NRXN3: variants seen among roughly 807,000 people sequenced by gnomAD.
The protein encoded by NRXN3 is neurexin III.
A neutral mutation model predicts 137.6 loss-of-function variants in NRXN3; 32 were observed. That is an observed-to-expected ratio of 0.23 (90% CI 0.18 to 0.31). NRXN3 has a LOEUF of 0.31. Ranked by LOEUF, NRXN3 falls within the 10% of genes least tolerant of loss-of-function variation. NRXN3 has a pLI of 1.00. For missense variants in NRXN3, 1,574 were observed against 2,062.5 expected (o/e 0.76, Z 4.59); for synonymous variants, 798 against 784.5 (o/e 1.02, Z -0.29).
chr14:79,856,854 T>C (rs1330737150), intron 20 of NRXN3, among the ~76,000 whole-genome samples: 1 of 152,136 alleles, frequency 6.6e-6, no homozygotes, highest in Non-Finnish European at 1.5e-5. Context: ...TCTAATGATC[T>C]CTCTAGTTTA....
At chr14:79,090,263 G>A (rs929445835) in intron 15 of NRXN3, among the ~76,000 whole-genome samples, 16 of 152,018 alleles carry the variant, frequency 1.1e-4, no homozygotes, top group Non-Finnish European at 1.3e-4. Flanking sequence ...ATATAACATA[G>A]GGATTATTAA....
intron 15 of NRXN3, among the ~76,000 whole-genome samples, chr14:79,165,916 C>A (rs896491734): frequency 1.3e-5 from 2 of 151,972 alleles, no homozygotes; most frequent in African/African-American, 4.8e-5. Flanking sequence ...ACACCACGAG[C>A]TTTTGATTGC....
chr14:79,848,252 G>A (rs992893823), intron 20 of NRXN3, among the ~76,000 whole-genome samples: 14 of 152,184 alleles, frequency 9.2e-5, no homozygotes, highest in African/African-American at 3.4e-4. Context: ...CAAAGCTTGA[G>A]CTTAGCAACT....
chr14:78,225,982 T>TGTTGGG (rs1555412890), intron 1 of NRXN3, among the ~76,000 whole-genome samples: 1 of 136,380 alleles, frequency 7.3e-6, no homozygotes, highest in Non-Finnish European at 1.5e-5. Flanking sequence ...TTGGTGTGTG[T>TGTTGGG]GTGTGTGTGT....
intron 10 of NRXN3, among the ~76,000 whole-genome samples, chr14:78,920,505 C>T (rs757610707): frequency 2.2e-4 from 33 of 152,272 alleles, no homozygotes; most frequent in Non-Finnish European, 4.0e-4. Context: ...AACCACTTCT[C>T]CAATTCTCTG....
Position 79,329,831 on chromosome 14 carries a change from G to A in NRXN3, c.3263-137390G>A, listed in dbSNP as rs74248988. Among the ~76,000 whole-genome samples, 1,183 of 148,070 alleles carry A rather than the reference G, an allele frequency of 8.0e-3. 25 individuals carry two copies. The South Asian group carries it at 0.082, about 10-fold the overall frequency. On this transcript the variant is annotated intron_variant, in intron 15 of 20. Transcript: ENST00000335750. ...TGATGGCTTTAGCTACTGAATTAAC[G>A]TGATCAAAAGAGTTTTTTTTTTTTT...
intron 15 of NRXN3, among the ~76,000 whole-genome samples, chr14:78,998,691 C>T (rs1428061989): frequency 6.6e-6 from 1 of 151,134 alleles, no homozygotes. Flanking sequence ...ATCCGCCTAC[C>T]AGGTTCAAGC....
At chr14:79,685,911 G>A (rs546363176) in intron 17 of NRXN3, among the ~76,000 whole-genome samples, 2 of 152,246 alleles carry the variant, frequency 1.3e-5, no homozygotes, top group African/African-American at 4.8e-5. Flanking sequence ...GCAAGGAATA[G>A]GGGCATGAAC....
At chr14:78,814,733 C>T (rs8022835) in intron 10 of NRXN3, among the ~76,000 whole-genome samples, 151,976 of 152,318 alleles carry the variant, frequency 1, 75,818 homozygotes, top group East Asian at 1. Flanking sequence ...CTAAGAGGCA[C>T]GCGGTTCTGA....
intron 15 of NRXN3, among the ~76,000 whole-genome samples, chr14:79,139,071 G>A (rs967060934): frequency 6.6e-6 from 1 of 152,186 alleles, no homozygotes; most frequent in African/African-American, 2.4e-5. Flanking sequence ...TCACCTTCAA[G>A]GCCAATGGCT....
At chr14:79,254,089 C>T (rs866492778) in intron 15 of NRXN3, among the ~76,000 whole-genome samples, 1 of 152,120 alleles carries the variant, frequency 6.6e-6, no homozygotes, top group Non-Finnish European at 1.5e-5. Context: ...GACTACCCTT[C>T]TTCCTATAAG....
At chr14:78,891,830 ATATG>A (rs2099159823) in intron 10 of NRXN3, among the ~76,000 whole-genome samples, 1 of 152,040 alleles carries the variant, frequency 6.6e-6, no homozygotes, top group South Asian at 2.1e-4. Flanking sequence ...TGTTAAATGA[ATATG>A]AATGTATATA....
chr14:78,535,854 T>A (rs2096530608), intron 4 of NRXN3, among the ~76,000 whole-genome samples: 1 of 152,206 alleles, frequency 6.6e-6, no homozygotes, highest in Non-Finnish European at 1.5e-5. Context: ...TAGTGCCACA[T>A]CTTGCCATTA....
At chr14:79,845,922 G>C (rs2099368587) in intron 20 of NRXN3, among the ~76,000 whole-genome samples, 1 of 151,988 alleles carries the variant, frequency 6.6e-6, no homozygotes, top group Admixed American at 6.6e-5. Flanking sequence ...CGGAGACAGA[G>C]AGAGATGGAG....
chr14:79,569,769 T>C (rs1165564169), intron 16 of NRXN3, among the ~76,000 whole-genome samples: 1 of 151,972 alleles, frequency 6.6e-6, no homozygotes, highest in Non-Finnish European at 1.5e-5. Context: ...CCACCACACC[T>C]GGCTAATTTT....
intron 4 of NRXN3, among the ~76,000 whole-genome samples, chr14:78,351,229 A>G (rs2083447406): frequency 6.6e-6 from 1 of 152,244 alleles, no homozygotes; most frequent in African/African-American, 2.4e-5. Context: ...GTGTTCTATC[A>G]ATAAATATAC....
chr14:78,820,739 G>A (rs2098948410), intron 10 of NRXN3, among the ~76,000 whole-genome samples: 1 of 152,138 alleles, frequency 6.6e-6, no homozygotes, highest in South Asian at 2.1e-4. Context: ...GAGGTGCAGT[G>A]TTGAGTTATA....
At chr14:79,343,617 C>A (rs976107115) in intron 15 of NRXN3, among the ~76,000 whole-genome samples, 2 of 152,156 alleles carry the variant, frequency 1.3e-5, no homozygotes, top group Non-Finnish European at 2.9e-5. Flanking sequence ...TTGTGTACCT[C>A]TCAAATGTTG....
intron 15 of NRXN3, among the ~76,000 whole-genome samples, chr14:79,318,255 A>G (rs1308597313): frequency 6.6e-6 from 1 of 152,260 alleles, no homozygotes; most frequent in African/African-American, 2.4e-5. Context: ...AAAGGAAAGT[A>G]TCTTCTTTCA....
Sources: allele counts gnomAD v4.1 joint callset (sites outside exome capture counted in the v4.1 genomes callset), GRCh38; gene constraint gnomAD v4.1.1; transcripts MANE v1.5; gene names NCBI Gene and HGNC (gene_info 2026-07-23, HGNC 2026-07-21).